The following KCNMA1 variants were observed in gnomAD, a reference collection of about 807,000 sequenced individuals.
The protein encoded by KCNMA1 is Calcium-activated potassium channel subunit alpha-1.
In KCNMA1, 29 loss-of-function variants were observed where a neutral mutation model predicts 140.0. The ratio of observed to expected loss-of-function variants is 0.21; its 90% CI spans 0.15 to 0.28. KCNMA1 has a LOEUF of 0.28. Among genes scored for constraint, KCNMA1 ranks in the 10% least tolerant of loss-of-function variants. The pLI, the probability that KCNMA1 is intolerant of heterozygous loss-of-function variation, is 1.00. For synonymous variants in KCNMA1, 612 were observed against 611.9 expected (o/e 1.00, Z 0.00); for missense variants, 880 against 1,602.2 (o/e 0.55, Z 7.70).
chr10:77,149,331 T>C (rs1167207248), intron 5 of KCNMA1, among the ~76,000 whole-genome samples: 2 of 152,240 alleles, frequency 1.3e-5, no homozygotes, highest in Non-Finnish European at 2.9e-5. Flanking sequence ...GTCATGGGCA[T>C]AAACTAATTT....
chr10:77,365,134 T>C (rs1566288026), intron 2 of KCNMA1, among the ~76,000 whole-genome samples: 2 of 152,164 alleles, frequency 1.3e-5, no homozygotes, highest in East Asian at 1.9e-4. Context: ...GCCATTTACA[T>C]AGAAGAATCA....
chr10:77,513,118 C>T (rs1316109693), intron 1 of KCNMA1, among the ~76,000 whole-genome samples: 1 of 151,846 alleles, frequency 6.6e-6, no homozygotes, highest in African/African-American at 2.4e-5. Context: ...TCCCCCTACC[C>T]AGCATTTCCC....
At chr10:77,377,087 G>C (rs547234046) in intron 2 of KCNMA1, among the ~76,000 whole-genome samples, 1 of 152,280 alleles carries the variant, frequency 6.6e-6, no homozygotes, top group South Asian at 2.1e-4. Flanking sequence ...CCTGCGCCTA[G>C]GTGACCTTGG....
intron 1 of KCNMA1, among the ~76,000 whole-genome samples, chr10:77,590,608 G>C (rs550863491): frequency 6.6e-6 from 1 of 152,318 alleles, no homozygotes; most frequent in African/African-American, 2.4e-5. Flanking sequence ...GCCGGCTCCG[G>C]CCTTGGCCAC....
chr10:77,142,164 G>A (rs529124578), intron 5 of KCNMA1, among the ~76,000 whole-genome samples: 2 of 152,160 alleles, frequency 1.3e-5, no homozygotes, highest in African/African-American at 4.8e-5. Context: ...TCAGGAGATC[G>A]AGACCATTCT....
chr10:77,270,964 CA>C (rs2154280800), intron 2 of KCNMA1, among the ~76,000 whole-genome samples: 1 of 152,144 alleles, frequency 6.6e-6, no homozygotes, highest in Admixed American at 6.5e-5. Context: ...CCAATATATC[CA>C]GAATATTTTT....
rs147116633 is a variant in KCNMA1 at position 77,115,448 on chromosome 10, G to T, written c.885-3006C>A. 2.0e-3 allele frequency among the ~76,000 whole-genome samples: 299 copies of T among 152,306 alleles called. 1 individual carries two copies. Among genetic ancestry groups the T allele is most frequent in the Admixed American group, 5.6e-3 (86 of 15,296 alleles). ...CCACATTGGAGGGTAAGAAATAGAT[G>T]AAGAACTGATAGCCGGCGACAAAGG... On this transcript the variant is annotated intron_variant, in intron 6 of 27. Transcript: ENST00000286628.
intron 1 of KCNMA1, among the ~76,000 whole-genome samples, chr10:77,523,255 A>G (rs2054213785): frequency 6.8e-6 from 1 of 146,932 alleles, no homozygotes; most frequent in Non-Finnish European, 1.5e-5. Flanking sequence ...TGCTTAATAA[A>G]TAGTTATAAA....
At chr10:77,284,354 G>C (rs2069887551) in intron 2 of KCNMA1, among the ~76,000 whole-genome samples, 1 of 152,082 alleles carries the variant, frequency 6.6e-6, no homozygotes, top group African/African-American at 2.4e-5. Flanking sequence ...CAGAGGTTGA[G>C]ACAGCCTATT....
intron 1 of KCNMA1, among the ~76,000 whole-genome samples, chr10:77,486,429 A>G (rs1435553846): frequency 6.6e-6 from 1 of 152,182 alleles, no homozygotes; most frequent in Non-Finnish European, 1.5e-5. Flanking sequence ...AATGGAGCCA[A>G]TTATACCCCA....
intron 2 of KCNMA1, among the ~76,000 whole-genome samples, chr10:77,274,046 C>A (rs1031306677): frequency 2.0e-5 from 3 of 152,144 alleles, no homozygotes; most frequent in African/African-American, 7.2e-5. Context: ...GCTAGCATTC[C>A]TCTTAGCTTT....
chr10:77,324,971 C>G (rs2616606), intron 2 of KCNMA1, among the ~76,000 whole-genome samples: 25,500 of 90,144 alleles, frequency 0.28, 3,625 homozygotes, highest in East Asian at 0.63. Flanking sequence ...CTCTCTCTCT[C>G]TGTGTGTGTG....
At chr10:77,380,245 C>G (rs969537288) in intron 2 of KCNMA1, among the ~76,000 whole-genome samples, 1 of 152,166 alleles carries the variant, frequency 6.6e-6, no homozygotes, top group African/African-American at 2.4e-5. Flanking sequence ...AAAGAACATT[C>G]TTCAATTTCT....
intron 8 of KCNMA1, 109 bp downstream of exon 8, chr10:77,110,064 C>T (rs943862374): frequency 2.1e-6 from 2 of 971,922 alleles, no homozygotes; most frequent in African/African-American, 3.2e-5. Flanking sequence ...AACGTTAAGG[C>T]TTGCTTCTAG....
chr10:77,123,073 G>T (rs1030255566), intron 5 of KCNMA1, among the ~76,000 whole-genome samples: 1 of 150,576 alleles, frequency 6.6e-6, no homozygotes, highest in Non-Finnish European at 1.5e-5. Flanking sequence ...CCAGCTACGC[G>T]GGAGGCTGAG....
intron 2 of KCNMA1, among the ~76,000 whole-genome samples, chr10:77,381,435 A>G (rs1389774466): frequency 1.3e-5 from 2 of 152,180 alleles, no homozygotes; most frequent in African/African-American, 4.8e-5. Flanking sequence ...AATATTTAAC[A>G]CTAACTTGCG....
rs2040014305 is a variant in KCNMA1 at position 76,891,404 on chromosome 10, G to C, written c.3342+121C>G. 6.6e-6 allele frequency: 5 copies of C among 756,968 alleles called. No homozygotes were observed. The Admixed American group carries it at 8.0e-5, about 12-fold the overall frequency. 46.9% of individuals were successfully genotyped at this position (756,968 alleles called of 1,614,324 possible). A position where few individuals can be genotyped will look rare whatever the true frequency, so the allele number is the denominator to read the frequency against. On this transcript the variant is annotated intron_variant, in intron 26 of 27. Coordinates refer to ENST00000286628, the MANE Select transcript of KCNMA1 (RefSeq NM_001161352.2). ...CTATAAATAAATATCACCTCTTACA[G>C]TTATCTACAATAGGAAGGAGAAAAG...
At chr10:77,105,462 G>C (rs1189429185) in intron 9 of KCNMA1, among the ~76,000 whole-genome samples, 1 of 152,146 alleles carries the variant, frequency 6.6e-6, no homozygotes, top group Non-Finnish European at 1.5e-5. Flanking sequence ...TGTAGCTTTA[G>C]ATCATGAGTT....
At chr10:77,410,313 T>C (rs902084795) in intron 1 of KCNMA1, among the ~76,000 whole-genome samples, 2 of 152,126 alleles carry the variant, frequency 1.3e-5, no homozygotes. Context: ...TCCTGACACC[T>C]GTCAAGCTGA....
Sources: gnomAD v4.1 joint callset for allele counts (sites outside exome capture counted in the v4.1 genomes callset) on GRCh38, gnomAD v4.1.1 for gene constraint, MANE v1.5 for transcripts, NCBI Gene and HGNC (gene_info 2026-07-23, HGNC 2026-07-21) for gene names.